The following ITGA11 variants were observed in gnomAD, a reference collection of about 807,000 sequenced individuals.
ITGA11 encodes the protein integrin subunit alpha 11, also known as integrin alpha-11.
A neutral mutation model predicts 141.9 loss-of-function variants in ITGA11; 97 were observed. The ratio of observed to expected loss-of-function variants is 0.68; its 90% CI spans 0.58 to 0.81. ITGA11 has a LOEUF of 0.81. Among genes scored for constraint, ITGA11 ranks in the 30% least tolerant of loss-of-function variants. ITGA11 has a pLI of 0.00. For missense variants in ITGA11, 1,387 were observed against 1,559.2 expected (o/e 0.89, Z 1.86); for synonymous variants, 658 against 624.6 (o/e 1.05, Z -0.80).
intron 3 of ITGA11, among the ~76,000 whole-genome samples, chr15:68,368,549 A>G (rs1204958069): frequency 6.6e-6 from 1 of 152,208 alleles, no homozygotes; most frequent in Non-Finnish European, 1.5e-5. Flanking sequence ...GTTCCAGAAT[A>G]TGCCTGAAAG....
intron 11 of ITGA11, among the ~76,000 whole-genome samples, chr15:68,338,497 G>A (rs1168653106): frequency 1.4e-5 from 2 of 145,202 alleles, no homozygotes; most frequent in African/African-American, 5.1e-5. Context: ...AGGCCCTAGG[G>A]CCAGGTGCTG....
chr15:68,312,044 G>C (rs2140273564), intron 24 of ITGA11, among the ~76,000 whole-genome samples: 1 of 152,320 alleles, frequency 6.6e-6, no homozygotes, highest in East Asian at 1.9e-4. Flanking sequence ...CTGTCAGCTT[G>C]CCCTCAGCTT....
At position 68,326,923 on chromosome 15, in the gene ITGA11, G is replaced by T; in HGVS notation, c.2069-127C>A. 2 of 1,018,470 alleles carry T rather than the reference G, an allele frequency of 2.0e-6. No homozygotes were observed. Among genetic ancestry groups the T allele is most frequent in the South Asian group, 1.8e-5 (1 of 55,464 alleles). 63.1% of individuals were successfully genotyped at this position (1,018,470 alleles called of 1,614,324 possible). A position where few individuals can be genotyped will look rare whatever the true frequency, so the allele number is the denominator to read the frequency against. ...TGTTCCTTTCCTCTCACGAGCCCCA[G>T]TGTGGGTGAGAAACTCCCACATGGA... On this transcript the variant is annotated intron_variant, in intron 16 of 29. Coordinates refer to ENST00000315757, the MANE Select transcript of ITGA11 (RefSeq NM_001004439.2). This position sits in a 1 kb window ranked among gnomAD's most constrained non-coding sequence, Gnocchi z 6.8.
intron 5 of ITGA11, among the ~76,000 whole-genome samples, 196 bp from the exon 6 acceptor site, chr15:68,358,781 C>G (rs920664046): frequency 1.3e-5 from 2 of 152,222 alleles, no homozygotes; most frequent in African/African-American, 4.8e-5. Context: ...TGTGTTCTAC[C>G]ACTCTGCTGG....
chr15:68,411,636 A>G (rs1287555001), intron 1 of ITGA11, among the ~76,000 whole-genome samples: 2 of 152,176 alleles, frequency 1.3e-5, no homozygotes, highest in Non-Finnish European at 2.9e-5. Context: ...GGGATACAAA[A>G]ACAAGTGGTC....
intron 5 of ITGA11, among the ~76,000 whole-genome samples, chr15:68,359,230 T>C (rs1895165880): frequency 6.6e-6 from 1 of 151,808 alleles, no homozygotes. Context: ...TCACTTTTTA[T>C]TTATTTATTT....
chr15:68,323,438 GT>G (rs1258065268), intron 18 of ITGA11, among the ~76,000 whole-genome samples: 2 of 152,162 alleles, frequency 1.3e-5, no homozygotes, highest in African/African-American at 2.4e-5. Flanking sequence ...ATAAGCAACT[GT>G]TACACTCAAT....
In ITGA11 at chr15:68,335,641, T is replaced by C; in HGVS notation, c.1425+56A>G. On this transcript the variant is annotated intron_variant, in intron 12 of 29. Transcript: ENST00000315757. The surrounding 1 kb of genome is among the most constrained non-coding windows in gnomAD (Gnocchi z 4.9). ...ATGCCTGTATTTACTGCCCTCCCAT[T>C]TGTCTGATCTGCCCCCTCTTCCCTC... 1 of 1,586,764 alleles carries C rather than the reference T, an allele frequency of 6.3e-7. No individual in the cohort carries two copies. The highest frequency in any genetic ancestry group is 8.6e-7 in the Non-Finnish European group (1 of 1,162,372).
At chr15:68,365,503 C>A in intron 3 of ITGA11, 1 of 187,884 alleles carries the variant, frequency 5.3e-6, no homozygotes, top group Non-Finnish European at 9.9e-6. Context: ...CTGGAGGCCA[C>A]CGAAGGAAAG....
intron 7 of ITGA11, 94 bp downstream of exon 7, chr15:68,357,057 T>C (rs563346170): frequency 1.4e-5 from 16 of 1,118,216 alleles, no homozygotes; most frequent in Non-Finnish European, 2.0e-5. Flanking sequence ...TGTCTCAAGG[T>C]ACTAAATTTT....
At chr15:68,367,282 C>T (rs1230732260) in intron 3 of ITGA11, among the ~76,000 whole-genome samples, 1 of 152,104 alleles carries the variant, frequency 6.6e-6, no homozygotes, top group African/African-American at 2.4e-5. Context: ...CCTGCCTGGA[C>T]CAGGAGCTTC....
intron 1 of ITGA11, among the ~76,000 whole-genome samples, chr15:68,405,159 C>CTTTTTTTTTTTTTTTTTTTTT (rs201537337): frequency 8.4e-6 from 1 of 118,942 alleles, no homozygotes; most frequent in Non-Finnish European, 1.7e-5. Context: ...CACTGTCTCC[C>CTTTTTTTTTTTTTTTTTTTTT]TTTTTTTTTT....
At chr15:68,314,501 C>T (rs1357962903) in intron 22 of ITGA11, among the ~76,000 whole-genome samples, 19 of 152,166 alleles carry the variant, frequency 1.2e-4, no homozygotes, top group Admixed American at 1.2e-3. Context: ...GTTATATAGA[C>T]TGAGTTTGAT....
chr15:68,374,203 A>G (rs940355961), intron 2 of ITGA11, among the ~76,000 whole-genome samples: 4 of 152,234 alleles, frequency 2.6e-5, no homozygotes, highest in African/African-American at 9.6e-5. Context: ...TGGAATCACC[A>G]GCACCATGTA....
chr15:68,327,074 G>C (rs1018321991), intron 16 of ITGA11, among the ~76,000 whole-genome samples: 5 of 152,002 alleles, frequency 3.3e-5, no homozygotes, highest in Admixed American at 6.5e-5. Context: ...GGGGAGACAG[G>C]ATGTGGGGCC....
In ITGA11 at chr15:68,297,984, C is replaced by T. The variant is rs978068256; in HGVS notation, c.*5075G>A. Reference sequence around the variant, plus strand: ...GCTCTTTCACTGTGAGATGCCAGTACTAGGGAAGCTCACCTTCAGATCTCT... The same window carrying T: ...GCTCTTTCACTGTGAGATGCCAGTATTAGGGAAGCTCACCTTCAGATCTCT... On this transcript the variant is annotated 3_prime_UTR_variant, in exon 30 of 30. Coordinates refer to ENST00000315757, the MANE Select transcript of ITGA11 (RefSeq NM_001004439.2). The T allele has an allele frequency of 1.3e-5, 2 of 152,222 alleles. No homozygotes were observed. Among genetic ancestry groups the T allele is most frequent in the African/African-American group, 4.8e-5 (2 of 41,454 alleles). The allele number at this position is 152,222 out of a possible 1,614,324, so 9.4% of individuals were successfully genotyped here.
At chr15:68,377,785 G>A (rs1040251538) in intron 2 of ITGA11, among the ~76,000 whole-genome samples, 6 of 152,200 alleles carry the variant, frequency 3.9e-5, no homozygotes, top group African/African-American at 1.4e-4. Context: ...GCCCCCGTTG[G>A]ACTGTGTGAC....
At chr15:68,309,464 A>G (rs1295851632) in intron 26 of ITGA11, among the ~76,000 whole-genome samples, 2 of 152,198 alleles carry the variant, frequency 1.3e-5, no homozygotes, top group Non-Finnish European at 2.9e-5. Context: ...AAAAATTAAA[A>G]ATTAAATTTT....
rs1893233069 is a variant in ITGA11 at position 68,307,375 on chromosome 15, G to T, written c.3354C>A (p.Ile1118=). ...ALQRQFHSPF[I]FREEDPSRQI... is the part of the protein sequence containing the mutation. ...GGCGGCTGGGATCCTCCTCACGGAAGATGAAGGGGCTGTGGAACTGCCTCT... is the reference window on the plus strand; with the variant it reads ...GGCGGCTGGGATCCTCCTCACGGAATATGAAGGGGCTGTGGAACTGCCTCT... Residue 1118 remains isoleucine (I), a synonymous_variant, in exon 28 of 30, where the codon ATC becomes ATA. Coordinates refer to ENST00000315757, the MANE Select transcript of ITGA11 (RefSeq NM_001004439.2). This position sits in a 1 kb window ranked among gnomAD's most constrained non-coding sequence, Gnocchi z 6.1. 5.8e-6 allele frequency: 9 copies of T among 1,557,888 alleles called. No homozygotes were observed. Among genetic ancestry groups the T allele is most frequent in the Non-Finnish European group, 6.1e-6 (7 of 1,150,138 alleles).
Sources: gnomAD v4.1 joint callset for allele counts (sites outside exome capture counted in the v4.1 genomes callset) on GRCh38, gnomAD v4.1.1 for gene constraint, Gnocchi (gnomAD v3.1) non-coding constraint, MANE v1.5 for transcripts, NCBI Gene and HGNC (gene_info 2026-07-23, HGNC 2026-07-21) for gene names.